Variants in PTPRE observed in about 807,000 individuals in gnomAD.
PTPRE encodes the protein protein tyrosine phosphatase receptor type E, also known as receptor-type tyrosine-protein phosphatase epsilon.
A neutral mutation model predicts 102.0 loss-of-function variants in PTPRE; 51 were observed. The observed-to-expected ratio is 0.50, with a 90% CI of 0.40 to 0.63. The LOEUF (loss-of-function observed/expected upper bound fraction) is 0.63. Ranked by LOEUF, PTPRE falls within the 30% of genes least tolerant of loss-of-function variation. The pLI, the probability that PTPRE is intolerant of heterozygous loss-of-function variation, is 0.00. For synonymous variants in PTPRE, 345 were observed against 348.2 expected (o/e 0.99, Z 0.10); for missense variants, 752 against 915.1 (o/e 0.82, Z 2.30).
At chr10:127,923,655 G>A (rs1346627499) in intron 1 of PTPRE, among the ~76,000 whole-genome samples, 2 of 152,126 alleles carry the variant, frequency 1.3e-5, no homozygotes, top group Non-Finnish European at 2.9e-5. Flanking sequence ...ACCTGCCTCA[G>A]CCTCCCAAAG....
intron 1 of PTPRE, among the ~76,000 whole-genome samples, chr10:127,979,694 G>A (rs533193778): frequency 9.4e-4 from 143 of 152,278 alleles, no homozygotes; most frequent in African/African-American, 3.3e-3. Context: ...AAAATCAGCT[G>A]CAAGTTTAAT....
Position 127,986,764 on chromosome 10 carries a change from C to G in PTPRE, c.-8+4468C>G, listed in dbSNP as rs576249419. The stretch of plus-strand genomic sequence containing the variant: ...AGGGTTCTGACAGGCAGGGGGACCA[C>G]CCCAAGCTGGTTTCTGGCTGCATCC... On this transcript the variant is annotated intron_variant, in intron 2 of 20. Coordinates refer to ENST00000254667, the MANE Select transcript of PTPRE (RefSeq NM_006504.6). Among the ~76,000 whole-genome samples the G allele has an allele frequency of 2.3e-4, 35 of 152,224 alleles. 1 individual carries two copies. Among genetic ancestry groups the G allele is most frequent in the Non-Finnish European group, 1.8e-4 (12 of 68,032 alleles).
At chr10:127,991,717 TAC>T (rs1279612668) in intron 2 of PTPRE, among the ~76,000 whole-genome samples, 4 of 152,222 alleles carry the variant, frequency 2.6e-5, no homozygotes, top group Non-Finnish European at 5.9e-5. Context: ...GGTGTTTCCC[TAC>T]AGTGTTCGCA....
At position 128,069,773 on chromosome 10, in the gene PTPRE, G is replaced by A. The variant is rs1850606174; in HGVS notation, c.1089G>A (p.Val363=). ...TGCACGCGGAGCAGAAGGTGGATGT[G>A]TTTGAATTTGTGTCTCGAATCCGTA... ...AMMHAEQKVD[V]FEFVSRIRNQ... is the part of the protein sequence containing the mutation. The change falls in exon 13 of 21, where the codon GTG becomes GTA. Residue 363 remains valine, a synonymous_variant. Coordinates refer to ENST00000254667, the MANE Select transcript of PTPRE (RefSeq NM_006504.6). 1.2e-6 allele frequency: 2 copies of A among 1,614,094 alleles called. No individual in the cohort carries two copies. The highest frequency in any genetic ancestry group is 1.7e-5 in the Admixed American group (1 of 60,006).
At chr10:127,965,542 G>C (rs563359032) in intron 1 of PTPRE, among the ~76,000 whole-genome samples, 10 of 152,176 alleles carry the variant, frequency 6.6e-5, no homozygotes, top group African/African-American at 1.9e-4. Flanking sequence ...GGAAGAAGTC[G>C]TGATTTACCT....
chr10:127,995,715 G>C (rs1459005767), intron 2 of PTPRE, among the ~76,000 whole-genome samples: 1 of 152,146 alleles, frequency 6.6e-6, no homozygotes, highest in African/African-American at 2.4e-5. Flanking sequence ...ATTGCTTGCA[G>C]TTATGATGAA....
intron 1 of PTPRE, among the ~76,000 whole-genome samples, chr10:127,979,606 G>A (rs1339955013): frequency 2.6e-5 from 4 of 152,218 alleles, no homozygotes; most frequent in African/African-American, 9.6e-5. Context: ...GAGCCCAGGA[G>A]GTTGAGGCTG....
chr10:128,054,564 C>T (rs1848802283), intron 6 of PTPRE, among the ~76,000 whole-genome samples: 1 of 151,950 alleles, frequency 6.6e-6, no homozygotes, highest in African/African-American at 2.4e-5. Context: ...CAGGTCCCTC[C>T]ACATAGGCCA....
intron 1 of PTPRE, among the ~76,000 whole-genome samples, chr10:127,976,126 C>G (rs1213153193): frequency 6.6e-6 from 1 of 152,134 alleles, no homozygotes; most frequent in African/African-American, 2.4e-5. Context: ...CAAGAAGCTA[C>G]TCATAGGGCA....
At chr10:128,040,702 C>G (rs912423961) in intron 2 of PTPRE, among the ~76,000 whole-genome samples, 173 bp from the exon 3 acceptor site, 1 of 152,180 alleles carries the variant, frequency 6.6e-6, no homozygotes, top group Non-Finnish European at 1.5e-5. Context: ...ACTGTATCCC[C>G]CTGGTGTTGA....
chr10:127,928,372 T>C (rs1847182998), intron 1 of PTPRE, among the ~76,000 whole-genome samples: 1 of 152,214 alleles, frequency 6.6e-6, no homozygotes, highest in Non-Finnish European at 1.5e-5. Context: ...CCTGTGTTTG[T>C]TTCCTTGGAG....
intron 1 of PTPRE, among the ~76,000 whole-genome samples, chr10:127,917,547 C>T (rs1382291881): frequency 6.6e-6 from 1 of 152,104 alleles, no homozygotes; most frequent in South Asian, 2.1e-4. Flanking sequence ...TGGTGCATGC[C>T]TGTAGTCCCA....
rs1042551510 is a variant in PTPRE, at chr10:127,962,537, C to T, written c.-30-19737C>T. Among the ~76,000 whole-genome samples the T allele has an allele frequency of 2.0e-5, 3 of 152,160 alleles. No homozygotes were observed. In the South Asian group the frequency reaches 6.2e-4, roughly 31 times the overall value. On this transcript the variant is annotated intron_variant, in intron 1 of 20. Coordinates refer to ENST00000254667, the MANE Select transcript of PTPRE (RefSeq NM_006504.6). ...ACGGGGAGGGGTCGATGGAGTGTGC[C>T]CTGGTGACATGGGCTCTGCAGGGCG...
chr10:128,058,984 G>T (rs906808945), intron 7 of PTPRE, among the ~76,000 whole-genome samples: 3 of 152,190 alleles, frequency 2.0e-5, no homozygotes, highest in Non-Finnish European at 4.4e-5. Flanking sequence ...ATAGAAAGAT[G>T]GCAAGCTAGG....
chr10:127,969,950 G>T (rs912065647), intron 1 of PTPRE, among the ~76,000 whole-genome samples: 1 of 152,170 alleles, frequency 6.6e-6, no homozygotes, highest in African/African-American at 2.4e-5. Flanking sequence ...CTCTGGTGCT[G>T]GGGAGGCAAA....
intron 1 of PTPRE, among the ~76,000 whole-genome samples, chr10:127,969,681 A>AAG (rs1554903551): frequency 3.2e-5 from 3 of 94,926 alleles, no homozygotes; most frequent in Admixed American, 2.5e-4. Context: ...GAAAAAAAAA[A>AAG]AGGGGGGCGG....
intron 1 of PTPRE, among the ~76,000 whole-genome samples, chr10:127,913,160 G>A (rs994227016): frequency 6.6e-6 from 1 of 152,182 alleles, no homozygotes; most frequent in Non-Finnish European, 1.5e-5. Context: ...GAGGTGGTAC[G>A]CAGAGGCCTG....
intron 2 of PTPRE, among the ~76,000 whole-genome samples, chr10:127,986,989 C>T (rs892397763): frequency 5.3e-5 from 8 of 152,338 alleles, no homozygotes; most frequent in East Asian, 3.9e-4. Flanking sequence ...TCTATCCAAG[C>T]CACAGCGACA....
chr10:128,078,264 G>C (rs1050002246), intron 19 of PTPRE, among the ~76,000 whole-genome samples: 1 of 152,202 alleles, frequency 6.6e-6, no homozygotes, highest in Admixed American at 6.5e-5. Flanking sequence ...CCTCAGCCTG[G>C]CTCCCAAGTC....
Sources: gnomAD v4.1 joint callset for allele counts (sites outside exome capture counted in the v4.1 genomes callset) on GRCh38, gnomAD v4.1.1 for gene constraint, MANE v1.5 for transcripts, NCBI Gene and HGNC (gene_info 2026-07-23, HGNC 2026-07-21) for gene names.